The following COL23A1 variants were observed in gnomAD, a reference collection of about 807,000 sequenced individuals.
COL23A1 encodes collagen alpha-1(XXIII) chain.
In COL23A1, 97 loss-of-function variants were observed where a neutral mutation model predicts 99.3. That is an observed-to-expected ratio of 0.98 (90% CI 0.83 to 1.16). COL23A1 has a LOEUF of 1.16. Among genes scored for constraint, COL23A1 ranks in the 50% most tolerant of loss-of-function variants. The pLI, the probability that COL23A1 is intolerant of heterozygous loss-of-function variation, is 0.00. For synonymous variants in COL23A1, 320 were observed against 308.2 expected, an observed-to-expected ratio of 1.04 and a Z score of -0.40; for missense variants, 762 against 757.4, an observed-to-expected ratio of 1.01 and a Z score of -0.07.
chr5:178,485,779 CAAA>C (rs528117830), intron 2 of COL23A1, among the ~76,000 whole-genome samples: 1 of 99,354 alleles, frequency 1.0e-5, no homozygotes, highest in Non-Finnish European at 1.9e-5. Context: ...GACTCCATCT[CAAA>C]AAAAAAAAAA....
At chr5:178,244,837 T>G (rs183029359) in intron 25 of COL23A1, among the ~76,000 whole-genome samples, 16 of 152,334 alleles carry the variant, frequency 1.1e-4, no homozygotes, top group Admixed American at 2.0e-4. Context: ...TCTTCTCAAA[T>G]TACTGCTCTA....
intron 5 of COL23A1, among the ~76,000 whole-genome samples, chr5:178,279,817 C>T (rs1756790867): frequency 6.6e-6 from 1 of 152,252 alleles, no homozygotes; most frequent in African/African-American, 2.4e-5. Flanking sequence ...CTTCGACTCA[C>T]ACCTCCCTTC....
chr5:178,263,658 T>C (rs909221667), intron 8 of COL23A1, among the ~76,000 whole-genome samples: 3 of 152,206 alleles, frequency 2.0e-5, no homozygotes, highest in Non-Finnish European at 4.4e-5. Context: ...CCCCCTCTTC[T>C]TTCTAGAACG....
intron 21 of COL23A1, 53 bp from the exon 22 acceptor site, chr5:178,247,605 G>GC: frequency 4.3e-6 from 7 of 1,609,292 alleles, no homozygotes; most frequent in Non-Finnish European, 6.0e-6. Context: ...TCTTGCAGTG[G>GC]CCACTCACTG....
intron 2 of COL23A1, among the ~76,000 whole-genome samples, chr5:178,510,502 T>C (rs533904342): frequency 4.0e-4 from 61 of 152,190 alleles, no homozygotes; most frequent in Non-Finnish European, 7.8e-4. Flanking sequence ...GATCGTGCCA[T>C]TGTGCTCCAG....
At chr5:178,275,362 G>A (rs186359430) in intron 5 of COL23A1, among the ~76,000 whole-genome samples, 1 of 152,192 alleles carries the variant, frequency 6.6e-6, no homozygotes, top group African/African-American at 2.4e-5. Context: ...GACCCTGGAC[G>A]GTGCCGCCAG....
chr5:178,249,044 G>T (rs1022144924), intron 19 of COL23A1, 73 bp downstream of exon 19: 3 of 1,489,800 alleles, frequency 2.0e-6, no homozygotes, highest in Non-Finnish European at 2.8e-6. Context: ...CCTCCCCACA[G>T]CACGGGGGGC....
In COL23A1 at chr5:178,249,141, G is replaced by A. The variant is rs770112040; in HGVS notation, c.1125C>T (p.Gly375=). The A allele has an allele frequency of 3.1e-6, 5 of 1,614,070 alleles. No homozygotes were observed. The highest frequency in any genetic ancestry group is 2.7e-5 in the African/African-American group (2 of 74,942). Residue 375 remains glycine, a synonymous_variant, in exon 19 of 29, where the codon GGC becomes GGT. Coordinates refer to ENST00000390654, the MANE Select transcript of COL23A1 (RefSeq NM_173465.4). The stretch of plus-strand genomic sequence containing the variant: ...CCGGGAGGCCGGACAAGCCCATCTC[G>A]CCTGCTTCCCCTTTGAGTCCTGCTG... The part of the protein sequence containing the change: ...PGPAGLKGEA[G]EMGLSGLPGA...
chr5:178,573,590 G>A (rs949782868), intron 1 of COL23A1, among the ~76,000 whole-genome samples: 23 of 152,178 alleles, frequency 1.5e-4, no homozygotes, highest in Non-Finnish European at 5.9e-5. Flanking sequence ...GGATTCCTCA[G>A]TAATCCTTCA....
chr5:178,272,788 G>A (rs1756366039), intron 5 of COL23A1, among the ~76,000 whole-genome samples: 1 of 151,328 alleles, frequency 6.6e-6, no homozygotes. Context: ...CCTCAAGGTC[G>A]CGTCCCACTA....
At chr5:178,547,609 ACCC>A (rs1189198929) in intron 2 of COL23A1, among the ~76,000 whole-genome samples, 1 of 3,020 alleles carries the variant, frequency 3.3e-4, no homozygotes, top group South Asian at 0.011. Context: ...CCACACACAC[ACCC>A]CCCACACACA....
In COL23A1 at chr5:178,309,159, G is replaced by T. The variant is rs1436065967; in HGVS notation, c.362-2240C>A. Among the ~76,000 whole-genome samples, 1 of 152,218 alleles carries T rather than the reference G, an allele frequency of 6.6e-6. No homozygotes were observed. The highest frequency in any genetic ancestry group is 1.5e-5 in the Non-Finnish European group (1 of 68,034). On this transcript the variant is annotated intron_variant, in intron 2 of 28. Transcript: ENST00000390654. The surrounding 1 kb of genome is among the most constrained non-coding windows in gnomAD (Gnocchi z 4.7). ...TACGACTAGGAAGTTCTCCGTCTGG[G>T]TAACTGAAGCCAGATGAAGACATCT...
chr5:178,585,531 T>TG (rs1458879687), intron 1 of COL23A1, among the ~76,000 whole-genome samples: 2,948 of 128,302 alleles, frequency 0.023, 266 homozygotes, highest in African/African-American at 0.061. Flanking sequence ...TGGATGACGC[T>TG]GGAGTAACAC....
At chr5:178,531,812 C>T (rs1760667256) in intron 2 of COL23A1, among the ~76,000 whole-genome samples, 1 of 152,222 alleles carries the variant, frequency 6.6e-6, no homozygotes, top group East Asian at 1.9e-4. Flanking sequence ...CCTTGCCCAT[C>T]CTCGGCCTTC....
chr5:178,249,095 G>A, intron 19 of COL23A1, 22 bp downstream of exon 19: 2 of 1,612,614 alleles, frequency 1.2e-6, no homozygotes, highest in Admixed American at 1.7e-5. Context: ...GGCGTAATGT[G>A]TGGCCCAACC....
intron 2 of COL23A1, among the ~76,000 whole-genome samples, chr5:178,453,770 T>TCAGTAG (rs539618954): frequency 0.011 from 1,677 of 152,258 alleles, 16 homozygotes; most frequent in Non-Finnish European, 0.016. Context: ...ACACACTTTT[T>TCAGTAG]CAGTAGCAGT....
At chr5:178,577,060 G>A (rs1763407312) in intron 1 of COL23A1, among the ~76,000 whole-genome samples, 1 of 152,074 alleles carries the variant, frequency 6.6e-6, no homozygotes, top group Non-Finnish European at 1.5e-5. Flanking sequence ...CTCCCCGCCG[G>A]GGTCCTCCCT....
intron 2 of COL23A1, among the ~76,000 whole-genome samples, chr5:178,342,727 C>G (rs1249377912): frequency 6.6e-6 from 1 of 152,024 alleles, no homozygotes; most frequent in African/African-American, 2.4e-5. Flanking sequence ...TGTTAACAAC[C>G]CTTTATCTCT....
At chr5:178,515,903 C>T (rs1478596811) in intron 2 of COL23A1, among the ~76,000 whole-genome samples, 2 of 152,206 alleles carry the variant, frequency 1.3e-5, no homozygotes, top group African/African-American at 2.4e-5. Context: ...GAGTTGGACC[C>T]GGTCCAGTGC....
Sources: gnomAD v4.1 joint callset for allele counts (sites outside exome capture counted in the v4.1 genomes callset) on GRCh38, gnomAD v4.1.1 for gene constraint, Gnocchi (gnomAD v3.1) non-coding constraint, MANE v1.5 for transcripts, NCBI Gene and HGNC (gene_info 2026-07-23, HGNC 2026-07-21) for gene names.